FAM91A1: variants seen among roughly 807,000 people sequenced by gnomAD.
FAM91A1 encodes protein FAM91A1.
Under a neutral mutation model 113.5 loss-of-function variants are expected in FAM91A1, and 41 were observed. The observed-to-expected ratio is 0.36, with a 90% CI of 0.28 to 0.47. FAM91A1 has a LOEUF of 0.47. Among genes scored for constraint, FAM91A1 ranks in the 20% least tolerant of loss-of-function variants. The pLI is 1.00. For synonymous variants in FAM91A1, 307 were observed against 347.9 expected (o/e 0.88, Z 1.31); for missense variants, 696 against 1,001.2 (o/e 0.70, Z 4.11).
At chr8:123,773,664 T>A (rs1814911679) in intron 1 of FAM91A1, among the ~76,000 whole-genome samples, 3 of 152,346 alleles carry the variant, frequency 2.0e-5, no homozygotes, top group Admixed American at 2.0e-4. Flanking sequence ...CAAAGAGGGA[T>A]GTATCTGTCC....
chr8:123,801,845 C>T (rs1393019986), intron 18 of FAM91A1, among the ~76,000 whole-genome samples: 3 of 151,786 alleles, frequency 2.0e-5, no homozygotes, highest in Admixed American at 6.6e-5. Flanking sequence ...TTCTAGTGCC[C>T]AGCACGGTGC....
chr8:123,799,141 CA>C (rs1191603229), intron 16 of FAM91A1, among the ~76,000 whole-genome samples: 11 of 152,062 alleles, frequency 7.2e-5, no homozygotes, highest in African/African-American at 2.7e-4. Flanking sequence ...TATTATATTC[CA>C]AGTACTGTTT....
intron 14 of FAM91A1, chr8:123,788,394 C>T (rs1815307890): frequency 5.7e-6 from 2 of 349,230 alleles, no homozygotes. Flanking sequence ...ACTTTTCGTG[C>T]CTTTTGTGCT....
intron 1 of FAM91A1, among the ~76,000 whole-genome samples, chr8:123,771,274 A>C (rs895751907): frequency 2.6e-5 from 4 of 152,150 alleles, no homozygotes; most frequent in African/African-American, 7.2e-5. Flanking sequence ...AGCACCTCTC[A>C]CATACTTGGC....
rs1243971549 is a variant in FAM91A1 at position 123,812,594 on chromosome 8, A to G, written c.2407A>G (p.Met803Val). 1.2e-6 allele frequency: 2 copies of G among 1,611,930 alleles called. No homozygotes were observed. Among genetic ancestry groups the G allele is most frequent in the Non-Finnish European group, 1.7e-6 (2 of 1,179,028 alleles). ...GCTTTCACAGTCATCGTGTGCTGAC[A>G]TGGGTGTTCCACTTCCTGCAAAAAA... Reference protein sequence around the residue: ...SLLSQSSCADMGVPLPAKNLI... With the variant: ...SLLSQSSCADVGVPLPAKNLI... The change falls in exon 24 of 24, where the codon ATG becomes GTG. Residue 803 changes from methionine to valine, a missense_variant. By Grantham distance (21) the Met-to-Val change is conservative. Transcript: ENST00000334705.
In FAM91A1 at chr8:123,808,889, T is replaced by A. The variant is rs1293620813; in HGVS notation, c.2138-4T>A. On this transcript the variant is annotated splice_region_variant and splice_polypyrimidine_tract_variant and intron_variant, in intron 21 of 23. Coordinates refer to ENST00000334705, the MANE Select transcript of FAM91A1 (RefSeq NM_144963.4). Reference sequence around the variant, plus strand: ...AAAAAATAAGTTTATGTATCCTTTCTTAGGTGCCACAACAGAAGCAGATTG... The same window carrying A: ...AAAAAATAAGTTTATGTATCCTTTCATAGGTGCCACAACAGAAGCAGATTG... 1.2e-6 allele frequency: 2 copies of A among 1,608,382 alleles called. No individual in the cohort carries two copies. Among genetic ancestry groups the A allele is most frequent in the Admixed American group, 1.7e-5 (1 of 59,870 alleles).
intron 1 of FAM91A1, among the ~76,000 whole-genome samples, chr8:123,773,274 A>G (rs940746652): frequency 1.3e-5 from 2 of 152,230 alleles, no homozygotes; most frequent in Non-Finnish European, 2.9e-5. Flanking sequence ...AATACGATGA[A>G]CTAAATCCTC....
intron 2 of FAM91A1, among the ~76,000 whole-genome samples, chr8:123,774,392 T>G (rs1407881350): frequency 6.6e-6 from 1 of 152,198 alleles, no homozygotes; most frequent in Non-Finnish European, 1.5e-5. Context: ...GGACTCATTT[T>G]ATCTATAAAA....
At chr8:123,774,652 AG>A (rs1280862094) in intron 2 of FAM91A1, among the ~76,000 whole-genome samples, 1 of 152,016 alleles carries the variant, frequency 6.6e-6, no homozygotes, top group East Asian at 1.9e-4. Context: ...TTGCCCTGGT[AG>A]TCTTTCACTC....
Position 123,775,280 on chromosome 8 carries a change from T to C in FAM91A1, c.291T>C (p.Tyr97=). The change falls in exon 3 of 24, where the codon TAT becomes TAC. Residue 97 remains tyrosine, a synonymous_variant. Transcript: ENST00000334705. ...VKGLRITPFS[Y]YTGIMEDIMN... ...GCTTGAGGATAACACCATTTTCATATTATACTGGGATTATGGAGGTGAGTT... is the reference window on the plus strand; with the variant it reads ...GCTTGAGGATAACACCATTTTCATACTATACTGGGATTATGGAGGTGAGTT... The C allele has an allele frequency of 1.2e-6, 2 of 1,613,916 alleles. No homozygotes were observed. Among genetic ancestry groups the C allele is most frequent in the African/African-American group, 1.3e-5 (1 of 75,036 alleles).
chr8:123,780,009 G>T lies in FAM91A1; in HGVS notation c.574G>T (p.Ala192Ser), dbSNP rs569914662. ...GATATGCACTTTGCCTGAGAAATGC[G>T]CTGTTGATAAGATCATCGATTCAGG... Reference protein sequence around the residue: ...IKICTLPEKCAVDKIIDSGPQ... With the variant: ...IKICTLPEKCSVDKIIDSGPQ... Residue 192 changes from alanine (A) to serine (S), a missense_variant, in exon 7 of 24, where the codon GCT becomes TCT. Transcript: ENST00000334705. 2.5e-6 allele frequency: 4 copies of T among 1,612,906 alleles called. No homozygotes were observed. The African/African-American group carries it at 5.3e-5, about 22-fold the overall frequency.
At chr8:123,786,466 T>A in intron 11 of FAM91A1, 29 bp from the exon 12 acceptor site, 1 of 1,494,242 alleles carries the variant, frequency 6.7e-7, no homozygotes, top group South Asian at 1.1e-5. Flanking sequence ...ATATGATTTT[T>A]AAAAAGCAAA....
At chr8:123,804,834 G>A (rs868287907) in intron 18 of FAM91A1, among the ~76,000 whole-genome samples, 21 of 152,194 alleles carry the variant, frequency 1.4e-4, no homozygotes, top group African/African-American at 4.8e-4. Context: ...ATTATTTATC[G>A]TAGCAAGTAA....
chr8:123,799,799 T>C lies in FAM91A1; in HGVS notation c.1723T>C (p.Trp575Arg). 6.2e-7 allele frequency: 1 copy of C among 1,610,432 alleles called. No individual in the cohort carries two copies. Among genetic ancestry groups the C allele is most frequent in the Non-Finnish European group, 8.5e-7 (1 of 1,177,272 alleles). ...TTATGATCGATTGCTAATAACATCT[T>C]GGGGTCATGATCCTGGAGTAGTTCC... ...QSYDRLLITS[W>R]GHDPGVVPTS... is the part of the protein sequence containing the mutation. The change falls in exon 18 of 24, where the codon TGG becomes CGG. Residue 575 changes from tryptophan (W) to arginine (R), a missense_variant. Transcript: ENST00000334705.
intron 20 of FAM91A1, among the ~76,000 whole-genome samples, chr8:123,807,704 G>A (rs1469221589): frequency 2.0e-5 from 3 of 152,010 alleles, no homozygotes; most frequent in Non-Finnish European, 4.4e-5. Flanking sequence ...GTTTTTGGAG[G>A]GTGGCAGCCT....
intron 3 of FAM91A1, among the ~76,000 whole-genome samples, chr8:123,776,198 G>C (rs1312926126): frequency 6.6e-6 from 1 of 152,144 alleles, no homozygotes; most frequent in Non-Finnish European, 1.5e-5. Context: ...GTTATATACT[G>C]TTTTCAAGTG....
intron 10 of FAM91A1, 134 bp downstream of exon 10, chr8:123,785,253 G>C (rs1371478158): frequency 1.3e-6 from 1 of 744,830 alleles, no homozygotes. Flanking sequence ...AACGTGCACA[G>C]TAAAGGGGCA....
At chr8:123,806,557 ACTT>A (rs1815818077) in intron 20 of FAM91A1, among the ~76,000 whole-genome samples, 1 of 152,160 alleles carries the variant, frequency 6.6e-6, no homozygotes, top group Admixed American at 6.5e-5. Flanking sequence ...TCCAAAATTG[ACTT>A]AATAGTTTTT....
rs748881191 is a variant in FAM91A1 at position 123,811,768 on chromosome 8, A to T, written c.2332-751A>T. Among the ~76,000 whole-genome samples, 142 of 152,186 alleles carry T rather than the reference A, an allele frequency of 9.3e-4. 2 individuals are homozygous for T. Among genetic ancestry groups the T allele is most frequent in the Admixed American group, 3.3e-4 (5 of 15,280 alleles). On this transcript the variant is annotated intron_variant, in intron 23 of 23. Coordinates refer to ENST00000334705, the MANE Select transcript of FAM91A1 (RefSeq NM_144963.4). ...GTGTCAGATAGGTGGATGTTTGAGC[A>T]TGGAGTCCTGGGGGGAGGTCTGTGC...
Sources: gnomAD v4.1 joint callset for allele counts (sites outside exome capture counted in the v4.1 genomes callset) on GRCh38, gnomAD v4.1.1 for gene constraint, MANE v1.5 for transcripts, NCBI Gene and HGNC (gene_info 2026-07-23, HGNC 2026-07-21) for gene names.